Variants in CDK17 observed in about 807,000 individuals in gnomAD.
The protein encoded by CDK17 is cyclin-dependent kinase 17.
CDK17 carries 24 observed loss-of-function variants against 77.6 expected under a neutral mutation model. The ratio of observed to expected loss-of-function variants is 0.31; its 90% CI spans 0.22 to 0.44. CDK17 has a LOEUF of 0.44. Among genes scored for constraint, CDK17 ranks in the 20% least tolerant of loss-of-function variants. The pLI, the probability that CDK17 is intolerant of heterozygous loss-of-function variation, is 1.00. For missense variants in CDK17, 429 were observed against 622.5 expected (o/e 0.69, Z 3.31); for synonymous variants, 203 against 210.4 (o/e 0.96, Z 0.30).
intron 1 of CDK17, among the ~76,000 whole-genome samples, chr12:96,346,228 A>C (rs1953208872): frequency 6.6e-6 from 1 of 151,996 alleles, no homozygotes; most frequent in South Asian, 2.1e-4. Context: ...GGAGGCGGGC[A>C]GATCACAAGG....
chr12:96,283,993 A>G (rs1366058626), intron 13 of CDK17, among the ~76,000 whole-genome samples: 1 of 152,250 alleles, frequency 6.6e-6, no homozygotes, highest in East Asian at 1.9e-4. Flanking sequence ...ACGCAAGTAT[A>G]TAAGAGCATC....
chr12:96,304,447 G>C (rs1481113689), intron 5 of CDK17, among the ~76,000 whole-genome samples: 1 of 152,166 alleles, frequency 6.6e-6, no homozygotes, highest in African/African-American at 2.4e-5. Flanking sequence ...TGAGGCAGAA[G>C]AATCGCTTGA....
At chr12:96,333,661 G>A (rs1233215256) in intron 2 of CDK17, among the ~76,000 whole-genome samples, 2 of 134,438 alleles carry the variant, frequency 1.5e-5, no homozygotes, top group Non-Finnish European at 1.5e-5. Context: ...GCAGCAGAGC[G>A]AGACTGTCTC....
intron 3 of CDK17, among the ~76,000 whole-genome samples, chr12:96,318,965 G>C (rs1216376852): frequency 2.1e-5 from 3 of 145,794 alleles, no homozygotes; most frequent in Non-Finnish European, 4.5e-5. Flanking sequence ...AGAACTGAAG[G>C]AAATAGAGAC....
chr12:96,372,220 T>G (rs970151230), intron 1 of CDK17, among the ~76,000 whole-genome samples: 1 of 152,164 alleles, frequency 6.6e-6, no homozygotes, highest in African/African-American at 2.4e-5. Context: ...CTTGGCAACA[T>G]ATTAAAAATG....
intron 1 of CDK17, among the ~76,000 whole-genome samples, chr12:96,386,433 G>A (rs1448713893): frequency 1.3e-5 from 2 of 152,122 alleles, no homozygotes; most frequent in Non-Finnish European, 2.9e-5. Context: ...AGGATCACTT[G>A]AGCCCAGAAG....
At chr12:96,385,292 C>G (rs1028680091) in intron 1 of CDK17, among the ~76,000 whole-genome samples, 1 of 151,884 alleles carries the variant, frequency 6.6e-6, no homozygotes, top group Non-Finnish European at 1.5e-5. Context: ...CCAGCCTGGG[C>G]GACAGAGTGA....
chr12:96,330,908 T>A (rs564383480), intron 2 of CDK17, among the ~76,000 whole-genome samples: 58 of 152,290 alleles, frequency 3.8e-4, no homozygotes, highest in African/African-American at 1.4e-3. Flanking sequence ...TATGTTTAAC[T>A]TTTTGAAGAA....
At chr12:96,343,173 T>C (rs1953147411) in intron 1 of CDK17, among the ~76,000 whole-genome samples, 4 of 152,196 alleles carry the variant, frequency 2.6e-5, no homozygotes, top group Admixed American at 6.5e-5. Context: ...TTGGTTCTTG[T>C]ACCAAAAACA....
Position 96,388,108 on chromosome 12 carries a change from T to TA in CDK17, c.-30+11877dup, listed in dbSNP as rs545846844. ...AACATAGTGACATCTCATCTGTACA[T>TA]AAAAAAAAAAGAAAAGAAAAACTCT... On this transcript the variant is annotated intron_variant, in intron 1 of 16. Coordinates refer to ENST00000261211, the MANE Select transcript of CDK17 (RefSeq NM_002595.5). Among the ~76,000 whole-genome samples the TA allele has an allele frequency of 5.0e-3, 719 of 142,872 alleles. 4 individuals carry two copies. Among genetic ancestry groups the TA allele is most frequent in the Middle Eastern group, 0.025 (7 of 282 alleles). The allele number at this position is 142,872 out of a possible 152,430, so 93.7% of individuals were successfully genotyped here. A position where few individuals can be genotyped will look rare whatever the true frequency, so the allele number is the denominator to read the frequency against.
chr12:96,393,204 A>G (rs1954102238), intron 1 of CDK17, among the ~76,000 whole-genome samples: 1 of 151,546 alleles, frequency 6.6e-6, no homozygotes, highest in South Asian at 2.1e-4. Context: ...CTCTACTAAA[A>G]ACTACAAAAA....
rs750453479 is a variant in CDK17 at position 96,308,252 on chromosome 12, A to AAAAAAAAG, written c.543+2799_543+2800insCTTTTTTT. Among the ~76,000 whole-genome samples the AAAAAAAAG allele has an allele frequency of 5.1e-3, 730 of 143,452 alleles. 15 individuals are homozygous for AAAAAAAAG. The highest frequency in any genetic ancestry group is 0.027 in the Admixed American group (372 of 13,720). 94.1% of individuals were successfully genotyped at this position (143,452 alleles called of 152,430 possible). On this transcript the variant is annotated intron_variant, in intron 5 of 16. Transcript: ENST00000261211. ...TCTAAAAAAAAAAAAAAAAAAAAAA[A>AAAAAAAAG]GTTTTTTAATTAGCTGGGTGTGATG...
At chr12:96,303,123 A>C (rs954245869) in intron 5 of CDK17, 2 of 152,186 alleles carry the variant, frequency 1.3e-5, no homozygotes, top group African/African-American at 2.4e-5. Context: ...AGATATAATG[A>C]CTAGCTTGTT....
chr12:96,366,583 C>T (rs1953586519), intron 1 of CDK17, among the ~76,000 whole-genome samples: 2 of 152,280 alleles, frequency 1.3e-5, no homozygotes, highest in South Asian at 4.1e-4. Context: ...GTTCGTAGTA[C>T]CTCATGCTTG....
intron 1 of CDK17, among the ~76,000 whole-genome samples, chr12:96,384,100 C>T (rs1953931062): frequency 6.6e-6 from 1 of 151,714 alleles, no homozygotes; most frequent in Admixed American, 6.6e-5. Flanking sequence ...AGGACATGAA[C>T]AGACATTTCT....
chr12:96,341,228 C>A (rs1953116940), intron 1 of CDK17, among the ~76,000 whole-genome samples: 1 of 152,008 alleles, frequency 6.6e-6, no homozygotes, highest in African/African-American at 2.4e-5. Context: ...TAAATATTCA[C>A]ATTTCAGTGT....
intron 1 of CDK17, among the ~76,000 whole-genome samples, chr12:96,370,235 T>C (rs1229678196): frequency 6.6e-6 from 1 of 152,224 alleles, no homozygotes; most frequent in Admixed American, 6.5e-5. Flanking sequence ...CAACTGTATA[T>C]TGCTTTAATT....
At chr12:96,353,927 T>C (rs1565832900) in intron 1 of CDK17, among the ~76,000 whole-genome samples, 1 of 152,158 alleles carries the variant, frequency 6.6e-6, no homozygotes, top group Admixed American at 6.5e-5. Context: ...AGTCAATGTT[T>C]AAAGTGTGAG....
At chr12:96,350,394 G>C (rs1197731153) in intron 1 of CDK17, among the ~76,000 whole-genome samples, 1 of 150,576 alleles carries the variant, frequency 6.6e-6, no homozygotes, top group African/African-American at 2.4e-5. Flanking sequence ...AAATTTATAT[G>C]GAATTCCAAG....
Sources: allele counts gnomAD v4.1 joint callset (sites outside exome capture counted in the v4.1 genomes callset), GRCh38; gene constraint gnomAD v4.1.1; transcripts MANE v1.5; gene names NCBI Gene and HGNC (gene_info 2026-07-23, HGNC 2026-07-21).